Variants in ZNF180 observed in about 807,000 individuals in gnomAD.
ZNF180 encodes zinc finger protein 180, also known as zinc finger protein 180 (HHZ168).
In ZNF180, 11 loss-of-function variants were observed where a neutral mutation model predicts 11.8. The observed-to-expected ratio is 0.93, with a 90% CI of 0.59 to 1.55. The LOEUF is 1.55. Ranked by LOEUF, ZNF180 falls within the 40% of genes most tolerant of loss-of-function variation. The pLI is 0.00. For missense variants in ZNF180, 773 were observed against 781.7 expected (o/e 0.99, Z 0.13); for synonymous variants, 287 against 257.7 (o/e 1.11, Z -1.09).
rs1263775656 is a variant in ZNF180, at chr19:44,474,995, C to T, written c.*1407G>A. 6.6e-6 allele frequency: 1 copy of T among 152,176 alleles called. No individual in the cohort carries two copies. The highest frequency in any genetic ancestry group is 2.4e-5 in the African/African-American group (1 of 41,436). The allele number at this position is 152,176 out of a possible 1,614,324, so 9.4% of individuals were successfully genotyped here. On this transcript the variant is annotated 3_prime_UTR_variant, in exon 5 of 5. Transcript: ENST00000592529. ...GATAGAATTTTGCTAAGGATAACCC[C>T]ATCAGTTACCCTTTAAGTTTTCTTT...
chr19:44,484,858 A>G (rs1568428699), intron 2 of ZNF180: 1 of 175,042 alleles, frequency 5.7e-6, no homozygotes, highest in South Asian at 1.3e-4. Context: ...TCAACAAATT[A>G]ATTTCATAAG....
In ZNF180 at chr19:44,476,754, G is replaced by A. The variant is rs567468606; in HGVS notation, c.1646C>T (p.Pro549Leu). Residue 549 changes from proline to leucine, a missense_variant, in exon 5 of 5, where the codon CCG becomes CTG. Coordinates refer to ENST00000592529, the MANE Select transcript of ZNF180 (RefSeq NM_001278509.3). ...MHQRIHTGEK[P>L]YECNQCGKSF... ...TTTCCCACACTGATTACATTCATACGGTTTTTCCCCAGTGTGAATTCTCTG... is the reference window on the plus strand; with the variant it reads ...TTTCCCACACTGATTACATTCATACAGTTTTTCCCCAGTGTGAATTCTCTG... The A allele has an allele frequency of 5.6e-5, 91 of 1,614,064 alleles. 1 individual carries two copies. The South Asian group carries it at 7.9e-4, about 14-fold the overall frequency.
intron 2 of ZNF180, among the ~76,000 whole-genome samples, chr19:44,485,656 C>T (rs1433878354): frequency 1.3e-5 from 2 of 152,168 alleles, no homozygotes; most frequent in South Asian, 4.1e-4. Context: ...ATTGATACAA[C>T]CCTCCTGTAT....
At chr19:44,493,162 T>A (rs1349298459) in intron 2 of ZNF180, among the ~76,000 whole-genome samples, 1 of 152,114 alleles carries the variant, frequency 6.6e-6, no homozygotes, top group Non-Finnish European at 1.5e-5. Flanking sequence ...GAATAGACCA[T>A]CCACATAGGG....
intron 2 of ZNF180, among the ~76,000 whole-genome samples, chr19:44,489,005 TG>T (rs1970334231): frequency 1.3e-5 from 2 of 148,754 alleles, no homozygotes; most frequent in African/African-American, 5.0e-5. Flanking sequence ...CCACCCTGTC[TG>T]GGAAGTGAGT....
intron 2 of ZNF180, among the ~76,000 whole-genome samples, chr19:44,493,403 G>A (rs13344700): frequency 0.31 from 46,563 of 152,122 alleles, 7,922 homozygotes; most frequent in African/African-American, 0.44. Flanking sequence ...CACTGGACTC[G>A]TGGCCTTCGT....
chr19:44,476,458 T>G lies in ZNF180; in HGVS notation c.1942A>C (p.Lys648Gln), dbSNP rs1419688088. The change falls in exon 5 of 5, where the codon AAA becomes CAA. Residue 648 changes from lysine to glutamine, a missense_variant. By Grantham distance (53) the Lys-to-Gln change is moderately conservative (BLOSUM62 1). Coordinates refer to ENST00000592529, the MANE Select transcript of ZNF180 (RefSeq NM_001278509.3). The stretch of plus-strand genomic sequence containing the variant: ...TGAGTTGCCTGATGCCTAATAAGTT[T>G]ATAGCTATTAATGAAAGCTTTTCCA... The part of the protein sequence containing the change: ...QCGKAFINSY[K>Q]LIRHQATHTE... 6.2e-7 allele frequency: 1 copy of G among 1,613,758 alleles called. No homozygotes were observed.
At chr19:44,482,186 A>G (rs1421478507) in intron 3 of ZNF180, among the ~76,000 whole-genome samples, 1 of 152,168 alleles carries the variant, frequency 6.6e-6, no homozygotes. Flanking sequence ...GCATGCCTAT[A>G]GTCCCAGCTA....
chr19:44,500,104 G>C, intron 1 of ZNF180, 171 bp downstream of exon 1: 1 of 1,571,026 alleles, frequency 6.4e-7, no homozygotes, highest in East Asian at 2.2e-5. Context: ...GGACAGTCGC[G>C]GAATATACAG....
intron 2 of ZNF180, among the ~76,000 whole-genome samples, chr19:44,487,908 G>C (rs1194398492): frequency 6.6e-6 from 1 of 152,058 alleles, no homozygotes; most frequent in African/African-American, 2.4e-5. Context: ...TGTATTTTTT[G>C]TAGAGATGGG....
At position 44,500,285 on chromosome 19, in the gene ZNF180, G is replaced by T. The variant is rs1970717564; in HGVS notation, c.-54C>A. 1.2e-6 allele frequency: 2 copies of T among 1,611,224 alleles called. No individual in the cohort carries two copies. Among genetic ancestry groups the T allele is most frequent in the South Asian group, 2.2e-5 (2 of 91,020 alleles). ...CACGCCCCTACCAACCTGGGCGTCCGCTGGCCCGCAGCCCAGGCTGGGCCT... is the reference window on the plus strand; with the variant it reads ...CACGCCCCTACCAACCTGGGCGTCCTCTGGCCCGCAGCCCAGGCTGGGCCT... On this transcript the variant is annotated 5_prime_UTR_variant, in exon 1 of 5. Coordinates refer to ENST00000592529, the MANE Select transcript of ZNF180 (RefSeq NM_001278509.3).
intron 2 of ZNF180, among the ~76,000 whole-genome samples, chr19:44,494,766 A>G (rs1477522421): frequency 6.6e-6 from 1 of 152,216 alleles, no homozygotes; most frequent in Non-Finnish European, 1.5e-5. Context: ...ACTCTTTCTA[A>G]AACAATTGCA....
At position 44,484,493 on chromosome 19, in the gene ZNF180, C is replaced by G. The variant is rs375914742; in HGVS notation, c.52-58G>C. Reference sequence around the variant, plus strand: ...ATAATCAGGGAGCTAAGTGGCAGCTCAAATCTCCTCCGGTCAGTGGGCTAA... The same window carrying G: ...ATAATCAGGGAGCTAAGTGGCAGCTGAAATCTCCTCCGGTCAGTGGGCTAA... On this transcript the variant is annotated intron_variant, in intron 2 of 4. Coordinates refer to ENST00000592529, the MANE Select transcript of ZNF180 (RefSeq NM_001278509.3). 8 of 1,240,682 alleles carry G rather than the reference C, an allele frequency of 6.4e-6. No individual in the cohort carries two copies. In the African/African-American group the frequency reaches 1.2e-4, roughly 18 times the overall value. 76.9% of individuals were successfully genotyped at this position (1,240,682 alleles called of 1,614,324 possible). A position where few individuals can be genotyped will look rare whatever the true frequency, so the allele number is the denominator to read the frequency against.
intron 4 of ZNF180, 87 bp downstream of exon 4, chr19:44,479,196 G>A: frequency 6.7e-7 from 1 of 1,495,746 alleles, no homozygotes; most frequent in Non-Finnish European, 9.0e-7. Context: ...AAATCATTCT[G>A]GCTGCTGAAT....
Position 44,476,997 on chromosome 19 carries a change from C to A in ZNF180, c.1403G>T (p.Cys468Phe). ...ACTAAAGGATTTCCCACACTGATTG[C>A]ATTCATAGGGTTTTTCCCCAGTATG... ...RIHTGEKPYECNQCGKSFSQS... is the reference protein window; with the variant it reads ...RIHTGEKPYEFNQCGKSFSQS... Residue 468 changes from cysteine (C) to phenylalanine (F), a missense_variant, in exon 5 of 5, where the codon TGC becomes TTC. Coordinates refer to ENST00000592529, the MANE Select transcript of ZNF180 (RefSeq NM_001278509.3). 1 of 1,614,110 alleles carries A rather than the reference C, an allele frequency of 6.2e-7. No homozygotes were observed. The highest frequency in any genetic ancestry group is 1.1e-5 in the South Asian group (1 of 91,084).
chr19:44,483,800 A>C (rs1401902836), intron 3 of ZNF180, among the ~76,000 whole-genome samples: 1 of 152,042 alleles, frequency 6.6e-6, no homozygotes, highest in Non-Finnish European at 1.5e-5. Context: ...TTGTTGCCTG[A>C]TGAATAACTT....
At chr19:44,486,043 C>T (rs2686762) in intron 2 of ZNF180, among the ~76,000 whole-genome samples, 99,816 of 152,024 alleles carry the variant, frequency 0.66, 33,415 homozygotes, top group East Asian at 0.9. Context: ...GGAAGGGAGA[C>T]TAAATGTCCA....
chr19:44,479,875 C>T (rs1970033471), intron 3 of ZNF180, among the ~76,000 whole-genome samples: 1 of 152,074 alleles, frequency 6.6e-6, no homozygotes, highest in Admixed American at 6.6e-5. Context: ...AGAAATTAGC[C>T]ACAGAAAATA....
At chr19:44,487,317 G>T (rs1013836204) in intron 2 of ZNF180, among the ~76,000 whole-genome samples, 5 of 152,214 alleles carry the variant, frequency 3.3e-5, no homozygotes, top group African/African-American at 1.2e-4. Context: ...AGGTTGTGAG[G>T]TTCACAATAA....
Sources: gnomAD v4.1 joint callset for allele counts (sites outside exome capture counted in the v4.1 genomes callset) on GRCh38, gnomAD v4.1.1 for gene constraint, MANE v1.5 for transcripts, NCBI Gene and HGNC (gene_info 2026-07-23, HGNC 2026-07-21) for gene names.